The following ANO3 variants were observed in gnomAD, a reference collection of about 807,000 sequenced individuals.
ANO3 encodes anoctamin 3, also known as anoctamin-3.
In ANO3, 99 loss-of-function variants were observed where a neutral mutation model predicts 144.8. The ratio of observed to expected loss-of-function variants is 0.68; its 90% CI spans 0.58 to 0.81. The LOEUF (loss-of-function observed/expected upper bound fraction) is 0.81. ANO3 is among the 30% of genes least tolerant of loss of function. The pLI is 0.00. For synonymous variants in ANO3, 414 were observed against 392.6 expected (o/e 1.05, Z -0.64); for missense variants, 905 against 1,202.2 (o/e 0.75, Z 3.66).
chr11:26,624,737 GA>G (rs765922263), intron 18 of ANO3, among the ~76,000 whole-genome samples: 52 of 152,234 alleles, frequency 3.4e-4, no homozygotes, highest in Non-Finnish European at 5.9e-4. Context: ...TCCTACTTAG[GA>G]GTGCTTGCTT....
At position 26,553,219 on chromosome 11, in the gene ANO3, G is replaced by T. The variant is rs200501303; in HGVS notation, c.1290-30G>T. 202 of 1,198,442 alleles carry T rather than the reference G, an allele frequency of 1.7e-4. 1 individual carries two copies. Among genetic ancestry groups the T allele is most frequent in the South Asian group, 3.9e-4 (30 of 76,288 alleles). 74.2% of individuals were successfully genotyped at this position (1,198,442 alleles called of 1,614,324 possible). On this transcript the variant is annotated intron_variant, in intron 12 of 26. Coordinates refer to ENST00000256737, the MANE Select transcript of ANO3 (RefSeq NM_031418.4). ...TAGTCACAGTTTCATGCTATGTTTT[G>T]TTTTGTTTTTGTTTTTGTTTTTTCT...
intron 3 of ANO3, among the ~76,000 whole-genome samples, chr11:26,457,950 T>G (rs1859231750): frequency 1.3e-5 from 2 of 152,156 alleles, no homozygotes; most frequent in South Asian, 4.1e-4. Context: ...TTTAAAACAC[T>G]ATCAATTTTA....
At position 26,602,832 on chromosome 11, in the gene ANO3, C is replaced by T. The variant is rs1360692864; in HGVS notation, c.1836+3118C>T. Among the ~76,000 whole-genome samples, 4 of 151,980 alleles carry T rather than the reference C, an allele frequency of 2.6e-5. No individual in the cohort carries two copies. The South Asian group carries it at 6.2e-4, about 24-fold the overall frequency. On this transcript the variant is annotated intron_variant, in intron 17 of 26. Transcript: ENST00000256737. ...TTATAATTTTGTACCCATTGATCAACGTCCCCTCATGTAATTGCTACCCCT... is the reference window on the plus strand; with the variant it reads ...TTATAATTTTGTACCCATTGATCAATGTCCCCTCATGTAATTGCTACCCCT...
intron 1 of ANO3, among the ~76,000 whole-genome samples, chr11:26,247,068 A>C (rs1161485033): frequency 6.6e-6 from 1 of 152,172 alleles, no homozygotes; most frequent in African/African-American, 2.4e-5. Context: ...AAATGTTTTA[A>C]GTTTATTTAA....
intron 1 of ANO3, among the ~76,000 whole-genome samples, chr11:26,441,106 GTTTTTTTTTTTTTTTTTTT>G (rs1022676698): frequency 1.2e-5 from 1 of 86,552 alleles, no homozygotes; most frequent in Admixed American, 1.3e-4. Context: ...TTGCTGCCCA[GTTTTTTTTTTTTTTTTTTT>G]TTTTTTTTTT....
intron 1 of ANO3, among the ~76,000 whole-genome samples, chr11:26,420,750 T>C (rs1350737134): frequency 6.6e-6 from 1 of 152,090 alleles, no homozygotes; most frequent in East Asian, 1.9e-4. Flanking sequence ...ATCAACTCTT[T>C]ATTGGTTTCT....
upstream of ANO3, among the ~76,000 whole-genome samples, chr11:26,305,481 G>C (rs1854359662): frequency 2.0e-5 from 3 of 151,974 alleles, no homozygotes; most frequent in African/African-American, 7.3e-5. Context: ...AGACAGAAGA[G>C]AGACCTAATG....
intron 1 of ANO3, among the ~76,000 whole-genome samples, chr11:26,195,441 T>C (rs1369667877): frequency 2.0e-5 from 3 of 152,222 alleles, no homozygotes; most frequent in Non-Finnish European, 2.9e-5. Context: ...AAAAAAGACT[T>C]CCTGCTTTCA....
At chr11:26,263,842 A>C (rs1384791326) in intron 1 of ANO3, among the ~76,000 whole-genome samples, 1 of 152,210 alleles carries the variant, frequency 6.6e-6, no homozygotes, top group Non-Finnish European at 1.5e-5. Context: ...TAATGAATGG[A>C]CACATGAGTA....
At chr11:26,257,785 C>T (rs928082331) in intron 1 of ANO3, among the ~76,000 whole-genome samples, 12 of 140,698 alleles carry the variant, frequency 8.5e-5, no homozygotes, top group Non-Finnish European at 9.2e-5. Flanking sequence ...CAAAGATAAG[C>T]GACATTTTTG....
intron 6 of ANO3, among the ~76,000 whole-genome samples, chr11:26,520,301 A>G (rs777245437): frequency 1.3e-5 from 2 of 152,116 alleles, no homozygotes; most frequent in Non-Finnish European, 2.9e-5. Context: ...TAAAAAAACT[A>G]TATTCATTTT....
At chr11:26,622,824 C>T (rs960756444) in intron 17 of ANO3, among the ~76,000 whole-genome samples, 7 of 152,132 alleles carry the variant, frequency 4.6e-5, no homozygotes, top group African/African-American at 7.2e-5. Context: ...TAATAATATA[C>T]GTAAAGCACT....
chr11:26,294,525 T>A (rs1854042107), intron 1 of ANO3, among the ~76,000 whole-genome samples: 1 of 152,174 alleles, frequency 6.6e-6, no homozygotes, highest in Non-Finnish European at 1.5e-5. Flanking sequence ...ATATCATGAT[T>A]GCTATTATTA....
chr11:26,431,786 T>G (rs1041100874), intron 1 of ANO3, among the ~76,000 whole-genome samples: 3 of 152,244 alleles, frequency 2.0e-5, no homozygotes, highest in Non-Finnish European at 4.4e-5. Context: ...ATTTTACATT[T>G]TATTTATCCA....
intron 1 of ANO3, among the ~76,000 whole-genome samples, chr11:26,399,715 G>C (rs535670394): frequency 6.6e-6 from 1 of 151,904 alleles, no homozygotes; most frequent in East Asian, 1.9e-4. Context: ...GAAGGTATAA[G>C]TCCCTCCCCT....
intron 1 of ANO3, among the ~76,000 whole-genome samples, chr11:26,237,681 C>T (rs558185088): frequency 1.3e-5 from 2 of 152,012 alleles, no homozygotes; most frequent in African/African-American, 4.8e-5. Context: ...TATTCCTTGA[C>T]TCTTTCAGGG....
intron 1 of ANO3, among the ~76,000 whole-genome samples, chr11:26,296,845 G>A (rs11029499): frequency 1.3e-5 from 2 of 151,948 alleles, no homozygotes; most frequent in African/African-American, 4.8e-5. Context: ...TCCAAGCCAC[G>A]TAAATGTGAC....
chr11:26,504,327 C>T (rs573690830), intron 4 of ANO3, among the ~76,000 whole-genome samples: 18 of 152,224 alleles, frequency 1.2e-4, no homozygotes, highest in East Asian at 9.7e-4. Context: ...TAGAACTATG[C>T]GTATTCTCTT....
At chr11:26,328,202 A>G (rs1854938456), upstream of ANO3, among the ~76,000 whole-genome samples, 1 of 152,204 alleles carries the variant, frequency 6.6e-6, no homozygotes, top group African/African-American at 2.4e-5. Flanking sequence ...CCTGGATATC[A>G]TCAGGATGAA....
Sources: gnomAD v4.1 joint callset for allele counts (sites outside exome capture counted in the v4.1 genomes callset) on GRCh38, gnomAD v4.1.1 for gene constraint, MANE v1.5 for transcripts, NCBI Gene and HGNC (gene_info 2026-07-23, HGNC 2026-07-21) for gene names.